Variants in UNC13C observed in about 807,000 individuals in gnomAD.
UNC13C encodes the protein unc-13 homolog C, also known as protein unc-13 homolog C.
In UNC13C, 174 loss-of-function variants were observed where a neutral mutation model predicts 245.4. That is an observed-to-expected ratio of 0.71 (90% CI 0.63 to 0.80). The LOEUF is 0.80. Among genes scored for constraint, UNC13C ranks in the 30% least tolerant of loss-of-function variants. The pLI, the probability that UNC13C is intolerant of heterozygous loss-of-function variation, is 0.00. For missense variants in UNC13C, 2,829 were observed against 2,602.9 expected (o/e 1.09, Z -1.89); for synonymous variants, 992 against 895.1 (o/e 1.11, Z -1.93).
intron 17 of UNC13C, among the ~76,000 whole-genome samples, chr15:54,353,218 T>C (rs1021001079): frequency 7.2e-5 from 11 of 152,204 alleles, no homozygotes; most frequent in African/African-American, 2.4e-4. Flanking sequence ...TTAAAAAAAT[T>C]ATTAGACCAA....
At chr15:54,177,570 G>T (rs2033658344) in intron 4 of UNC13C, among the ~76,000 whole-genome samples, 1 of 152,038 alleles carries the variant, frequency 6.6e-6, no homozygotes, top group Non-Finnish European at 1.5e-5. Context: ...AATAAAACAA[G>T]CAAAGCTTTA....
intron 22 of UNC13C, among the ~76,000 whole-genome samples, chr15:54,503,549 G>A (rs1596484830): frequency 6.6e-6 from 1 of 151,558 alleles, no homozygotes; most frequent in South Asian, 2.1e-4. Context: ...TCCTGCCTCA[G>A]CCTCCCAAGA....
intron 10 of UNC13C, among the ~76,000 whole-genome samples, chr15:54,272,110 G>C (rs746922036): frequency 4.6e-5 from 7 of 152,292 alleles, no homozygotes; most frequent in East Asian, 1.9e-4. Flanking sequence ...TTCGCCATGG[G>C]AAATGTGCTA....
chr15:53,985,439 C>A lies in UNC13C; in HGVS notation c.-257+6512C>A, dbSNP rs184855909. On this transcript the variant is annotated intron_variant, in intron 1 of 32. Coordinates refer to ENST00000260323, the MANE Select transcript of UNC13C (RefSeq NM_001080534.3). ...TTGTTACATATGTATACATGTGCTA[C>A]TATGTATACATGTATACATGTGTTA... 1.7e-4 allele frequency among the ~76,000 whole-genome samples: 25 copies of A among 150,628 alleles called. No individual in the cohort carries two copies. The East Asian group carries it at 4.9e-3, about 29-fold the overall frequency.
intron 4 of UNC13C, among the ~76,000 whole-genome samples, chr15:54,211,024 G>C (rs1470706929): frequency 6.6e-6 from 1 of 152,112 alleles, no homozygotes; most frequent in Admixed American, 6.6e-5. Flanking sequence ...GTAAAGAAAT[G>C]CAGGGCATTC....
At position 54,553,390 on chromosome 15, in the gene UNC13C, GTATAT is replaced by G. The variant is rs1486554802; in HGVS notation, c.5878-2031_5878-2027del. Among the ~76,000 whole-genome samples the G allele has an allele frequency of 9.8e-4, 114 of 116,076 alleles. 1 individual carries two copies. The highest frequency in any genetic ancestry group is 3.3e-3 in the African/African-American group (102 of 31,278). The allele number at this position is 116,076 out of a possible 152,430, so 76.2% of individuals were successfully genotyped here. A position where few individuals can be genotyped will look rare whatever the true frequency, so the allele number is the denominator to read the frequency against. On this transcript the variant is annotated intron_variant, in intron 28 of 32. Transcript: ENST00000260323. The stretch of plus-strand genomic sequence containing the variant: ...TATAATTATATTATATTATGTATTA[GTATAT>G]TATATTATATATTGTAATATATAAT...
intron 7 of UNC13C, among the ~76,000 whole-genome samples, chr15:54,239,773 G>T (rs1567126695): frequency 6.6e-6 from 1 of 152,130 alleles, no homozygotes; most frequent in Non-Finnish European, 1.5e-5. Flanking sequence ...TTATCTGTTA[G>T]ATTTATGATG....
chr15:53,919,233 TAAAA>T, the UNC13C span, among the ~76,000 whole-genome samples: 3 of 152,130 alleles, frequency 2.0e-5, no homozygotes, highest in Non-Finnish European at 4.4e-5. Context: ...CTACTTTAAT[TAAAA>T]AGTGGGGGTT....
At chr15:54,000,783 C>T (rs78973031) in intron 1 of UNC13C, among the ~76,000 whole-genome samples, 55 of 152,206 alleles carry the variant, frequency 3.6e-4, no homozygotes, top group Admixed American at 1.3e-3. Flanking sequence ...TTTAGACACT[C>T]GAGGTGCGGC....
chr15:53,901,225 T>C, the UNC13C span, among the ~76,000 whole-genome samples: 1 of 147,440 alleles, frequency 6.8e-6, no homozygotes, highest in Non-Finnish European at 1.5e-5. Context: ...TTTCTTTTTT[T>C]TTTTTTTTTT....
intron 10 of UNC13C, among the ~76,000 whole-genome samples, chr15:54,268,236 C>T (rs548797243): frequency 1.3e-5 from 2 of 151,856 alleles, no homozygotes; most frequent in Non-Finnish European, 2.9e-5. Flanking sequence ...TAATGTCTAA[C>T]CTGCTAAAAT....
chr15:54,006,832 G>T (rs1895158753), intron 1 of UNC13C, among the ~76,000 whole-genome samples: 1 of 152,112 alleles, frequency 6.6e-6, no homozygotes, highest in African/African-American at 2.4e-5. Context: ...CAGCTACTCT[G>T]GTTTTCTTCT....
At chr15:53,839,030 T>C in the UNC13C span, among the ~76,000 whole-genome samples, 1 of 152,140 alleles carries the variant, frequency 6.6e-6, no homozygotes, top group Non-Finnish European at 1.5e-5. Context: ...AAATGTTACT[T>C]TATCTTTAGC....
At chr15:53,873,865 C>CTCTCTCTT in the UNC13C span, among the ~76,000 whole-genome samples, 3 of 117,498 alleles carry the variant, frequency 2.6e-5, no homozygotes, top group Non-Finnish European at 5.6e-5. Context: ...CTCTCTCTCT[C>CTCTCTCTT]TCTTTCTTTC....
Position 54,294,014 on chromosome 15 carries a change from T to A in UNC13C, c.3938T>A (p.Ile1313Asn), listed in dbSNP as rs765805592. ...TCAGATGATTTTCTGGGACAAACAA[T>A]TGTAGAAGTGAGGACCTTGAGTGGA... Reference protein sequence around the residue: ...KESDDFLGQTIVEVRTLSGEM... With the variant: ...KESDDFLGQTNVEVRTLSGEM... Residue 1313 changes from isoleucine to asparagine, a missense_variant, in exon 11 of 33, where the codon ATT (isoleucine) becomes AAT (asparagine). Ile to Asn is a moderately radical substitution (Grantham distance 149). Coordinates refer to ENST00000260323, the MANE Select transcript of UNC13C (RefSeq NM_001080534.3). 3.1e-5 allele frequency: 49 copies of A among 1,594,170 alleles called. No homozygotes were observed. The highest frequency in any genetic ancestry group is 4.0e-5 in the Non-Finnish European group (47 of 1,171,606).
chr15:53,988,771 T>C (rs1233711546), intron 1 of UNC13C, among the ~76,000 whole-genome samples: 1 of 151,930 alleles, frequency 6.6e-6, no homozygotes, highest in African/African-American at 2.4e-5. Context: ...TTTGTTGAAA[T>C]TGCTCACTTT....
Position 54,377,288 on chromosome 15 carries a change from A to G in UNC13C, c.4714-15760A>G, listed in dbSNP as rs984598918. ...AGCCTGGAAATAGATCAATTCTGCC[A>G]TATTCTATTGGTCAAAGTCACCCAT... On this transcript the variant is annotated intron_variant, in intron 17 of 32. Transcript: ENST00000260323. Among the ~76,000 whole-genome samples, 5 of 152,324 alleles carry G rather than the reference A, an allele frequency of 3.3e-5. No individual in the cohort carries two copies. The South Asian group carries it at 1.0e-3, about 32-fold the overall frequency.
intron 4 of UNC13C, among the ~76,000 whole-genome samples, chr15:54,182,143 C>T (rs184380797): frequency 9.4e-4 from 143 of 152,010 alleles, no homozygotes; most frequent in African/African-American, 3.4e-3. Flanking sequence ...CAGTTTTTGC[C>T]CATTCAGTAT....
intron 4 of UNC13C, among the ~76,000 whole-genome samples, chr15:54,216,596 TAG>T (rs2035047289): frequency 6.6e-6 from 1 of 151,738 alleles, no homozygotes; most frequent in South Asian, 2.1e-4. Flanking sequence ...ACAAATTTAC[TAG>T]AGAGAAAGCA....
Sources: gnomAD v4.1 joint callset for allele counts (sites outside exome capture counted in the v4.1 genomes callset) on GRCh38, gnomAD v4.1.1 for gene constraint, MANE v1.5 for transcripts, NCBI Gene and HGNC (gene_info 2026-07-23, HGNC 2026-07-21) for gene names.